Variants in BNC2 observed in about 807,000 individuals in gnomAD.
BNC2 encodes basonuclin zinc finger protein 2.
A neutral mutation model predicts 76.3 loss-of-function variants in BNC2; 20 were observed. That is an observed-to-expected ratio of 0.26 (90% CI 0.18 to 0.38). The LOEUF is 0.38. Among genes scored for constraint, BNC2 ranks in the 10% least tolerant of loss-of-function variants. The pLI is 1.00. For synonymous variants in BNC2, 582 were observed against 514.8 expected (o/e 1.13, Z -1.77); for missense variants, 1,382 against 1,399.8 (o/e 0.99, Z 0.20).
At chr9:16,842,180 T>A (rs186699282) in intron 1 of BNC2, among the ~76,000 whole-genome samples, 1 of 152,218 alleles carries the variant, frequency 6.6e-6, no homozygotes, top group South Asian at 2.1e-4. Flanking sequence ...TTTTAACATA[T>A]GAACCTCCAC....
intron 1 of BNC2, among the ~76,000 whole-genome samples, chr9:16,841,554 G>C (rs960971889): frequency 6.6e-6 from 1 of 152,124 alleles, no homozygotes; most frequent in African/African-American, 2.4e-5. Context: ...AGGGCATAAG[G>C]TCTGTGTGGG....
intron 1 of BNC2, among the ~76,000 whole-genome samples, chr9:16,796,414 T>A (rs1817648758): frequency 6.6e-6 from 1 of 152,148 alleles, no homozygotes; most frequent in Non-Finnish European, 1.5e-5. Context: ...AGTACATATT[T>A]AATGAAGAAG....
intron 3 of BNC2, among the ~76,000 whole-genome samples, chr9:16,583,483 T>G (rs1000440050): frequency 6.6e-6 from 1 of 152,180 alleles, no homozygotes; most frequent in Non-Finnish European, 1.5e-5. Context: ...CAAAATAATA[T>G]TCAAGTGAAA....
intron 5 of BNC2, chr9:16,473,416 T>G (rs961207575): frequency 6.6e-6 from 1 of 152,160 alleles, no homozygotes; most frequent in African/African-American, 2.4e-5. Flanking sequence ...GAAACTAAAG[T>G]TAACTTTTCT....
intron 5 of BNC2, among the ~76,000 whole-genome samples, chr9:16,540,758 A>AC (rs1344776303): frequency 1.3e-5 from 2 of 152,064 alleles, no homozygotes; most frequent in South Asian, 2.1e-4. Flanking sequence ...AATGACATTT[A>AC]CCCCCCTAAT....
At chr9:16,565,809 A>G (rs1012427509) in intron 4 of BNC2, among the ~76,000 whole-genome samples, 3 of 151,246 alleles carry the variant, frequency 2.0e-5, no homozygotes, top group African/African-American at 7.3e-5. Flanking sequence ...CCCATCTCAA[A>G]AAAAAAAAAA....
intron 1 of BNC2, among the ~76,000 whole-genome samples, chr9:16,813,405 A>G (rs1818104069): frequency 6.6e-6 from 1 of 151,196 alleles, no homozygotes; most frequent in Non-Finnish European, 1.5e-5. Context: ...AGCTGGGACT[A>G]CAGGCGCCCG....
In BNC2 at chr9:16,419,600, C is replaced by T. The variant is rs756874020; in HGVS notation, c.2689G>A (p.Asp897Asn). Reference protein sequence around the residue: ...LHRKLLTKELDDMGLDSSQPS... With the variant: ...LHRKLLTKELNDMGLDSSQPS... ...TGCGACGAGTCCAGGCCCATGTCAT[C>T]GAGTTCTTTGGTCAACAGTTTACGA... Residue 897 changes from aspartate to asparagine, a missense_variant, in exon 7 of 7, where the codon GAT becomes AAT. Physicochemically the swap from Asp to Asn is conservative, Grantham distance 23. Transcript: ENST00000380672. 2.1e-5 allele frequency: 34 copies of T among 1,604,846 alleles called. No individual in the cohort carries two copies. The East Asian group carries it at 6.5e-4, about 31-fold the overall frequency.
intron 3 of BNC2, among the ~76,000 whole-genome samples, chr9:16,637,979 G>T (rs1821377226): frequency 6.6e-6 from 1 of 152,166 alleles, no homozygotes; most frequent in African/African-American, 2.4e-5. Flanking sequence ...CTTAGGTGTG[G>T]CTGATAACAA....
intron 5 of BNC2, among the ~76,000 whole-genome samples, chr9:16,507,250 C>CTTTTTTTTT (rs36072200): frequency 3.2e-4 from 27 of 83,170 alleles, no homozygotes; most frequent in Non-Finnish European, 3.6e-4. Flanking sequence ...TGTCCATTTG[C>CTTTTTTTTT]TTTTTTTTTT....
At chr9:16,841,541 A>AC (rs11461075) in intron 1 of BNC2, among the ~76,000 whole-genome samples, 149,101 of 152,244 alleles carry the variant, frequency 0.98, 73,096 homozygotes, top group Middle Eastern at 1. Flanking sequence ...AGCTAATCAA[A>AC]CCAGGGCATA....
At chr9:16,527,731 G>C (rs764537206) in intron 5 of BNC2, among the ~76,000 whole-genome samples, 62 of 152,188 alleles carry the variant, frequency 4.1e-4, no homozygotes, top group Non-Finnish European at 5.6e-4. Context: ...GTTAACAGCT[G>C]TACCTACTGC....
intron 4 of BNC2, among the ~76,000 whole-genome samples, chr9:16,574,118 G>A (rs1286434420): frequency 6.6e-6 from 1 of 152,118 alleles, no homozygotes; most frequent in Non-Finnish European, 1.5e-5. Flanking sequence ...CTGAGTAAAA[G>A]GAGAGGAGTT....
At chr9:16,793,704 C>T (rs1817572954) in intron 1 of BNC2, among the ~76,000 whole-genome samples, 1 of 116,788 alleles carries the variant, frequency 8.6e-6, no homozygotes, top group Non-Finnish European at 1.7e-5. Context: ...CTCACTCTGT[C>T]CCCCAGGCTT....
At chr9:16,669,551 T>G (rs759944548) in intron 3 of BNC2, among the ~76,000 whole-genome samples, 3 of 152,230 alleles carry the variant, frequency 2.0e-5, no homozygotes, top group Non-Finnish European at 4.4e-5. Flanking sequence ...ATAACAGTTA[T>G]AAATTCTTAG....
intron 1 of BNC2, among the ~76,000 whole-genome samples, chr9:16,789,025 A>G (rs1322077412): frequency 6.6e-6 from 1 of 152,154 alleles, no homozygotes; most frequent in African/African-American, 2.4e-5. Context: ...CCATCCTCCA[A>G]CCAAATCTCA....
chr9:16,504,616 T>C (rs1400248394), intron 5 of BNC2, among the ~76,000 whole-genome samples: 1 of 152,098 alleles, frequency 6.6e-6, no homozygotes, highest in African/African-American at 2.4e-5. Flanking sequence ...AGATCTTCTG[T>C]AAAAAACTAG....
intron 1 of BNC2, among the ~76,000 whole-genome samples, chr9:16,796,538 C>T (rs1310902195): frequency 2.1e-5 from 3 of 143,794 alleles, no homozygotes; most frequent in Non-Finnish European, 4.5e-5. Flanking sequence ...CGTCAATGCA[C>T]TCCAGCCTGG....
At chr9:16,490,529 A>T (rs10962450) in intron 5 of BNC2, among the ~76,000 whole-genome samples, 5,226 of 152,204 alleles carry the variant, frequency 0.034, 246 homozygotes, top group African/African-American at 0.1. Flanking sequence ...TATTAGTAGA[A>T]ATTTTAGAGT....
Sources: gnomAD v4.1 joint callset for allele counts (sites outside exome capture counted in the v4.1 genomes callset) on GRCh38, gnomAD v4.1.1 for gene constraint, MANE v1.5 for transcripts, NCBI Gene and HGNC (gene_info 2026-07-23, HGNC 2026-07-21) for gene names.